TMEM132D: variants seen among roughly 807,000 people sequenced by gnomAD.
TMEM132D encodes mature OL transmembrane protein.
Under a neutral mutation model 62.3 loss-of-function variants are expected in TMEM132D, and 21 were observed. The ratio of observed to expected loss-of-function variants is 0.34; its 90% CI spans 0.24 to 0.49. The LOEUF (loss-of-function observed/expected upper bound fraction) is 0.49, where lower values mean the gene tolerates loss of function less well. Ranked by LOEUF, TMEM132D falls within the 20% of genes least tolerant of loss-of-function variation. TMEM132D has a pLI of 0.99. For synonymous variants in TMEM132D, 621 were observed against 575.6 expected, an observed-to-expected ratio of 1.08 and a Z score of -1.13; for missense variants, 1,346 against 1,402.8, an observed-to-expected ratio of 0.96 and a Z score of 0.65.
chr12:129,630,589 T>G (rs1263504246), intron 2 of TMEM132D, among the ~76,000 whole-genome samples: 1 of 152,176 alleles, frequency 6.6e-6, no homozygotes, highest in African/African-American at 2.4e-5. Context: ...ACCCAGAAAT[T>G]GCCATGATAT....
chr12:129,631,484 A>C (rs1879342881), intron 2 of TMEM132D, among the ~76,000 whole-genome samples: 1 of 152,240 alleles, frequency 6.6e-6, no homozygotes, highest in Non-Finnish European at 1.5e-5. Flanking sequence ...GAGAAGTTGC[A>C]CACTAACACA....
chr12:129,601,002 G>A (rs1878468119), intron 2 of TMEM132D, among the ~76,000 whole-genome samples: 1 of 151,998 alleles, frequency 6.6e-6, no homozygotes. Flanking sequence ...CTCCTCTCTA[G>A]CTATGAAAGT....
chr12:129,245,503 A>G (rs1197662252), intron 4 of TMEM132D, among the ~76,000 whole-genome samples: 1 of 152,048 alleles, frequency 6.6e-6, no homozygotes, highest in Non-Finnish European at 1.5e-5. Context: ...TTATGAATAA[A>G]GCTGCTATAA....
intron 2 of TMEM132D, among the ~76,000 whole-genome samples, chr12:129,537,465 A>T (rs953867686): frequency 6.6e-6 from 1 of 152,296 alleles, no homozygotes; most frequent in East Asian, 1.9e-4. Flanking sequence ...CAGCCATGTG[A>T]CAAGGAAGCT....
intron 4 of TMEM132D, among the ~76,000 whole-genome samples, chr12:129,304,600 T>C (rs1881800063): frequency 6.6e-6 from 1 of 151,938 alleles, no homozygotes; most frequent in Non-Finnish European, 1.5e-5. Context: ...CTTTCCCATT[T>C]ATACGGCGGC....
chr12:129,296,068 GCACA>G (rs4026576), intron 4 of TMEM132D, among the ~76,000 whole-genome samples: 19,780 of 149,878 alleles, frequency 0.13, 1,379 homozygotes, highest in South Asian at 0.23. Context: ...ATATGAACAT[GCACA>G]CACACACACA....
At chr12:129,860,365 A>C (rs1346020377) in intron 1 of TMEM132D, among the ~76,000 whole-genome samples, 2 of 152,218 alleles carry the variant, frequency 1.3e-5, no homozygotes, top group African/African-American at 2.4e-5. Flanking sequence ...AACTCTGTCA[A>C]TTTAGATGTT....
At chr12:129,148,228 TAAGATA>T (rs1012944712) in intron 5 of TMEM132D, among the ~76,000 whole-genome samples, 20 of 152,332 alleles carry the variant, frequency 1.3e-4, no homozygotes, top group African/African-American at 4.6e-4. Context: ...TGCTTTTGAC[TAAGATA>T]AAATCTATAG....
intron 5 of TMEM132D, among the ~76,000 whole-genome samples, chr12:129,086,199 CGCGTGTGTGTGT>C (rs1228824599): frequency 8.6e-6 from 1 of 116,120 alleles, no homozygotes; most frequent in Non-Finnish European, 1.9e-5. Context: ...GTCACGCGCG[CGCGTGTGTGTGT>C]GTGTGTGTGT....
At chr12:129,212,283 A>G (rs569203729) in intron 4 of TMEM132D, 1 of 152,312 alleles carries the variant, frequency 6.6e-6, no homozygotes, top group East Asian at 1.9e-4. Flanking sequence ...TCTGAATAGC[A>G]TACGTGTTTC....
At chr12:129,810,289 G>A (rs988744141) in intron 1 of TMEM132D, among the ~76,000 whole-genome samples, 13 of 152,092 alleles carry the variant, frequency 8.5e-5, no homozygotes, top group Non-Finnish European at 1.3e-4. Context: ...TGAAATGATT[G>A]TCCATATATT....
intron 2 of TMEM132D, among the ~76,000 whole-genome samples, chr12:129,661,348 T>A (rs1374065362): frequency 1.3e-5 from 2 of 152,218 alleles, no homozygotes; most frequent in African/African-American, 4.8e-5. Context: ...CTTCTGGAGT[T>A]AACAACAAAA....
At chr12:129,149,201 G>A (rs2135534579) in intron 5 of TMEM132D, among the ~76,000 whole-genome samples, 1 of 151,660 alleles carries the variant, frequency 6.6e-6, no homozygotes, top group African/African-American at 2.4e-5. Flanking sequence ...CACAGGGAGG[G>A]GAACGTCACA....
At chr12:129,594,589 A>C (rs1878282954) in intron 2 of TMEM132D, among the ~76,000 whole-genome samples, 1 of 152,244 alleles carries the variant, frequency 6.6e-6, no homozygotes, top group African/African-American at 2.4e-5. Flanking sequence ...TAGAGAACAC[A>C]TGCATAGTCC....
chr12:129,170,556 T>C (rs1877691071), intron 5 of TMEM132D, among the ~76,000 whole-genome samples: 1 of 152,208 alleles, frequency 6.6e-6, no homozygotes, highest in East Asian at 1.9e-4. Context: ...CCAGGCATGA[T>C]GGCTCACACC....
intron 5 of TMEM132D, among the ~76,000 whole-genome samples, chr12:129,155,413 A>G (rs182009585): frequency 1.6e-3 from 248 of 152,168 alleles, no homozygotes; most frequent in Non-Finnish European, 3.2e-3. Flanking sequence ...ACTTTTTTTG[A>G]AATGTTGTGA....
chr12:129,516,586 A>C (rs188591152), intron 3 of TMEM132D, among the ~76,000 whole-genome samples: 131 of 152,254 alleles, frequency 8.6e-4, no homozygotes, highest in African/African-American at 3.1e-3. Context: ...AGTATGGAGG[A>C]AACTGCCCCC....
At chr12:129,836,390 G>A (rs892717214) in intron 1 of TMEM132D, among the ~76,000 whole-genome samples, 1 of 152,104 alleles carries the variant, frequency 6.6e-6, no homozygotes, top group Non-Finnish European at 1.5e-5. Context: ...TCCATCAGCT[G>A]AGTCTCAGTA....
intron 5 of TMEM132D, among the ~76,000 whole-genome samples, chr12:129,089,713 C>T (rs899951909): frequency 6.6e-6 from 1 of 152,254 alleles, no homozygotes; most frequent in African/African-American, 2.4e-5. Context: ...GCTGAACGCG[C>T]TTCCTGCTCA....
Sources: allele counts gnomAD v4.1 joint callset (sites outside exome capture counted in the v4.1 genomes callset), GRCh38; gene constraint gnomAD v4.1.1; transcripts MANE v1.5; gene names NCBI Gene and HGNC (gene_info 2026-07-23, HGNC 2026-07-21).